The following TMEM87A variants were observed in gnomAD, a reference collection of about 807,000 sequenced individuals.
TMEM87A encodes the protein transmembrane protein 87A.
In TMEM87A, 50 loss-of-function variants were observed where a neutral mutation model predicts 90.0. The ratio of observed to expected loss-of-function variants is 0.56; its 90% CI spans 0.44 to 0.70. The LOEUF (loss-of-function observed/expected upper bound fraction) is 0.70, where lower values mean the gene tolerates loss of function less well. TMEM87A is among the 30% of genes least tolerant of loss of function. TMEM87A has a pLI of 0.00. For missense variants in TMEM87A, 577 were observed against 660.5 expected (o/e 0.87, Z 1.39); for synonymous variants, 226 against 226.7 (o/e 1.00, Z 0.03).
chr15:42,272,764 A>T (rs144417842), intron 1 of TMEM87A: 2 of 354,240 alleles, frequency 5.6e-6, no homozygotes, highest in African/African-American at 4.3e-5. Context: ...CTAGTCACAC[A>T]GTAAAGCTTA....
At chr15:42,257,046 A>G (rs2140972749) in intron 6 of TMEM87A, among the ~76,000 whole-genome samples, 1 of 152,294 alleles carries the variant, frequency 6.6e-6, no homozygotes, top group Admixed American at 6.5e-5. Context: ...TACAATTTAC[A>G]AGAACAAATT....
intron 4 of TMEM87A, 61 bp from the exon 5 acceptor site, chr15:42,261,310 C>T: frequency 6.9e-7 from 1 of 1,446,034 alleles, no homozygotes; most frequent in Non-Finnish European, 9.5e-7. Context: ...AAAAGTGTAG[C>T]TCAAAATACA....
At chr15:42,268,213 G>C (rs1026496890) in intron 2 of TMEM87A, among the ~76,000 whole-genome samples, 181 bp from the exon 3 acceptor site, 1 of 152,172 alleles carries the variant, frequency 6.6e-6, no homozygotes, top group Non-Finnish European at 1.5e-5. Context: ...TAAGATAAAA[G>C]TATTGTTGTT....
chr15:42,246,206 C>T (rs540606177), intron 6 of TMEM87A, among the ~76,000 whole-genome samples: 1 of 152,120 alleles, frequency 6.6e-6, no homozygotes, highest in South Asian at 2.1e-4. Context: ...TGTATCAGAG[C>T]TTCATTTATT....
chr15:42,269,581 G>A (rs2051471893), intron 2 of TMEM87A, among the ~76,000 whole-genome samples: 2 of 152,090 alleles, frequency 1.3e-5, no homozygotes, highest in Non-Finnish European at 2.9e-5. Flanking sequence ...AGGAAATTTG[G>A]CAGCAAAAAT....
chr15:42,235,748 G>T (rs1202117034), intron 10 of TMEM87A, among the ~76,000 whole-genome samples: 1 of 152,136 alleles, frequency 6.6e-6, no homozygotes, highest in Non-Finnish European at 1.5e-5. Flanking sequence ...ACAACTGCAA[G>T]CTCTAGCTCC....
chr15:42,262,452 T>C (rs1214921102), intron 4 of TMEM87A, among the ~76,000 whole-genome samples: 6 of 151,790 alleles, frequency 4.0e-5, no homozygotes, highest in Non-Finnish European at 8.8e-5. Flanking sequence ...TTTTTTTTTT[T>C]TTTTGAGACC....
intron 3 of TMEM87A, among the ~76,000 whole-genome samples, chr15:42,264,683 G>GTATATATATATATATA (rs1555409716): frequency 1.7e-5 from 2 of 116,362 alleles, no homozygotes; most frequent in African/African-American, 6.0e-5. Context: ...ATATGTGTGT[G>GTATATATATATATATA]TATATATATA....
chr15:42,214,949 G>A (rs1417116345), intron 19 of TMEM87A, among the ~76,000 whole-genome samples: 1 of 152,148 alleles, frequency 6.6e-6, no homozygotes, highest in Non-Finnish European at 1.5e-5. Context: ...ATACAGTCAC[G>A]TATACTTAAT....
chr15:42,225,314 A>AGGG, intron 15 of TMEM87A, among the ~76,000 whole-genome samples: 5 of 150,508 alleles, frequency 3.3e-5, no homozygotes, highest in African/African-American at 1.2e-4. Context: ...GGGGGGGGGA[A>AGGG]GGCATAATCA....
rs2050836726 is a variant in TMEM87A, at chr15:42,239,719, A to G, written c.635T>C (p.Val212Ala). 2 of 1,613,920 alleles carry G rather than the reference A, an allele frequency of 1.2e-6. No homozygotes were observed. The part of the protein sequence containing the change: ...LSNLFTMTVE[V>A]KGPYEYLTLE... ...TGTGAGGTATTCATAGGGACCCTTC[A>G]CTTCAACAGTCACTGCCAAAACAGA... is the stretch of plus-strand genomic sequence containing the variant. Residue 212 changes from valine to alanine, a missense_variant, in exon 8 of 20, where the codon GTG (valine) becomes GCG (alanine). Coordinates refer to ENST00000389834, the MANE Select transcript of TMEM87A (RefSeq NM_015497.5).
At chr15:42,264,532 CA>C (rs996774729) in intron 3 of TMEM87A, among the ~76,000 whole-genome samples, 1 of 150,214 alleles carries the variant, frequency 6.7e-6, no homozygotes, top group Non-Finnish European at 1.5e-5. Flanking sequence ...ACAACATCAA[CA>C]AAAAAATATT....
At position 42,237,472 on chromosome 15, in the gene TMEM87A, G is replaced by C. The variant is rs1595723652; in HGVS notation, c.828C>G (p.Phe276Leu). ...ATCGGATATTCTGAAATTCCGCATA[G>C]AAGACAGCTTTCTCAAGCATTCCCA... ...IFLGMLEKAV[F>L]YAEFQNIRYK... The change falls in exon 9 of 20, where the codon TTC (phenylalanine) becomes TTG (leucine). Residue 276 changes from phenylalanine to leucine, a missense_variant. By Grantham distance (22) the Phe-to-Leu change is conservative. Coordinates refer to ENST00000389834, the MANE Select transcript of TMEM87A (RefSeq NM_015497.5). 6.2e-7 allele frequency: 1 copy of C among 1,614,040 alleles called. No homozygotes were observed. The highest frequency in any genetic ancestry group is 8.5e-7 in the Non-Finnish European group (1 of 1,180,002).
chr15:42,244,385 C>A (rs2050932425), intron 6 of TMEM87A, among the ~76,000 whole-genome samples: 1 of 151,948 alleles, frequency 6.6e-6, no homozygotes, highest in African/African-American at 2.4e-5. Context: ...ATGTCTTGTA[C>A]ACAAAAATCA....
intron 7 of TMEM87A, among the ~76,000 whole-genome samples, chr15:42,243,632 G>A (rs924557612): frequency 3.4e-5 from 5 of 147,904 alleles, no homozygotes; most frequent in Admixed American, 1.4e-4. Flanking sequence ...CGATTCTCCC[G>A]CCTCAGCCTC....
At chr15:42,231,464 A>C (rs1489922231) in intron 11 of TMEM87A, among the ~76,000 whole-genome samples, 2 of 152,244 alleles carry the variant, frequency 1.3e-5, no homozygotes, top group Admixed American at 1.3e-4. Context: ...CATTTCACAT[A>C]AATTGTCATT....
chr15:42,262,107 G>A (rs1001341863), intron 4 of TMEM87A: 20 of 152,186 alleles, frequency 1.3e-4, no homozygotes, highest in African/African-American at 4.6e-4. Flanking sequence ...GACTGGAGGA[G>A]GAGAGGAAAC....
At chr15:42,224,591 C>G (rs1448439271) in intron 15 of TMEM87A, 5 of 152,230 alleles carry the variant, frequency 3.3e-5, no homozygotes, top group South Asian at 2.1e-4. Context: ...TCCCATGAGG[C>G]CTTCTAGTAA....
At chr15:42,220,788 TTTA>T (rs1328002337) in intron 15 of TMEM87A, among the ~76,000 whole-genome samples, 3 of 152,070 alleles carry the variant, frequency 2.0e-5, no homozygotes, top group Non-Finnish European at 1.5e-5. Flanking sequence ...TGTTTTATTA[TTTA>T]TTTATTTATT....
Sources: gnomAD v4.1 joint callset for allele counts (sites outside exome capture counted in the v4.1 genomes callset) on GRCh38, gnomAD v4.1.1 for gene constraint, MANE v1.5 for transcripts, NCBI Gene and HGNC (gene_info 2026-07-23, HGNC 2026-07-21) for gene names.